Variants in PATL1 observed in about 807,000 individuals in gnomAD.
PATL1 encodes the protein PAT1 homolog 1, processing body mRNA decay factor.
A neutral mutation model predicts 100.6 loss-of-function variants in PATL1; 32 were observed. The observed-to-expected ratio is 0.32, with a 90% CI of 0.24 to 0.43. PATL1 has a LOEUF of 0.43. PATL1 is among the 20% of genes least tolerant of loss of function. PATL1 has a pLI of 1.00. For synonymous variants in PATL1, 332 were observed against 330.0 expected (o/e 1.01, Z -0.07); for missense variants, 747 against 949.9 (o/e 0.79, Z 2.81).
At position 59,642,950 on chromosome 11, in the gene PATL1, A is replaced by G. The variant is rs1166018456; in HGVS notation, c.1979T>C (p.Met660Thr). ...VSITSLLRQL[M>T]NLPQSAATPA... The stretch of plus-strand genomic sequence containing the variant: ...TGTAGCTGCACTTTGAGGTAGGTTC[A>G]TTAGCTGTCGCAAAAGGCTGGTGAT... The change falls in exon 16 of 19, where the codon ATG becomes ACG. Residue 660 changes from methionine to threonine, a missense_variant. By Grantham distance (81) the Met-to-Thr change is moderately conservative. Transcript: ENST00000300146. The G allele has an allele frequency of 2.5e-6, 4 of 1,613,910 alleles. No individual in the cohort carries two copies. Among genetic ancestry groups the G allele is most frequent in the Non-Finnish European group, 3.4e-6 (4 of 1,179,878 alleles).
intron 5 of PATL1, chr11:59,657,216 T>TC (rs1861548870): frequency 2.4e-6 from 2 of 825,136 alleles, no homozygotes; most frequent in Non-Finnish European, 2.9e-6. Context: ...GTGTTCCCAC[T>TC]CCCCCCGGCT....
In PATL1 at chr11:59,652,231, T is replaced by TAAA. The variant is rs541061457; in HGVS notation, c.1426+230_1426+232dup. Among the ~76,000 whole-genome samples, 335 of 152,174 alleles carry TAAA rather than the reference T, an allele frequency of 2.2e-3. 1 individual carries two copies. The highest frequency in any genetic ancestry group is 7.7e-3 in the African/African-American group (319 of 41,492). On this transcript the variant is annotated intron_variant, in intron 11 of 18. Transcript: ENST00000300146. ...GGGGTACTGAAAATTATAACACATTTAAAAAATCATGAAATCTCAAGTAGA... is the reference window on the plus strand; with the variant it reads ...GGGGTACTGAAAATTATAACACATTTAAAAAAAAATCATGAAATCTCAAGTAGA...
rs1485058308 is a variant in PATL1, at chr11:59,657,626, C to T, written c.525G>A (p.Arg175=). Residue 175 remains arginine (R), a synonymous_variant, in exon 5 of 19, where the codon AGG becomes AGA. Coordinates refer to ENST00000300146, the MANE Select transcript of PATL1 (RefSeq NM_152716.3). Reference sequence around the variant, plus strand: ...TGCCAATGATAGGTGAAGTTGACCGCCTTGGTAATGCTCGTTCAGAAAGGT... The same window carrying T: ...TGCCAATGATAGGTGAAGTTGACCGTCTTGGTAATGCTCGTTCAGAAAGGT... ...DRDLSERALP[R]RSTSPIIGSP... is the part of the protein sequence containing the mutation. 2 of 1,613,284 alleles carry T rather than the reference C, an allele frequency of 1.2e-6. No homozygotes were observed. Among genetic ancestry groups the T allele is most frequent in the South Asian group, 2.2e-5 (2 of 91,048 alleles).
chr11:59,644,822 G>A (rs1861336866), intron 15 of PATL1, among the ~76,000 whole-genome samples: 1 of 149,812 alleles, frequency 6.7e-6, no homozygotes, highest in Admixed American at 6.7e-5. Flanking sequence ...TTAGGAAGCA[G>A]AGATGGGAAA....
In PATL1 at chr11:59,659,407, C is replaced by T; in HGVS notation, c.190G>A (p.Val64Ile). Reference sequence around the variant, plus strand: ...TCTCCATTGCCTGTTTGTTCATTAACTGCCACTGGTAGCTTTTCTTCCAAT... The same window carrying T: ...TCTCCATTGCCTGTTTGTTCATTAATTGCCACTGGTAGCTTTTCTTCCAAT... ...AELEEKLPVA[V>I]NEQTGNGERD... The change falls in exon 3 of 19, where the codon GTT (valine) becomes ATT (isoleucine). Residue 64 changes from valine to isoleucine, a missense_variant. By Grantham distance (29) the Val-to-Ile change is conservative. This residue lies in a region of PATL1 where 183 missense variants were observed against 221.2 expected (regional missense o/e 0.83). Coordinates refer to ENST00000300146, the MANE Select transcript of PATL1 (RefSeq NM_152716.3). 1 of 1,551,422 alleles carries T rather than the reference C, an allele frequency of 6.4e-7. No individual in the cohort carries two copies. Among genetic ancestry groups the T allele is most frequent in the Non-Finnish European group, 8.7e-7 (1 of 1,146,914 alleles).
rs1861554578 is a variant in PATL1 at position 59,657,629 on chromosome 11, T to C, written c.522A>G (p.Pro174=). 1.2e-6 allele frequency: 2 copies of C among 1,613,364 alleles called. No homozygotes were observed. Among genetic ancestry groups the C allele is most frequent in the Middle Eastern group, 1.8e-4 (1 of 5,662 alleles). Reference sequence around the variant, plus strand: ...CAATGATAGGTGAAGTTGACCGCCTTGGTAATGCTCGTTCAGAAAGGTCCC... The same window carrying C: ...CAATGATAGGTGAAGTTGACCGCCTCGGTAATGCTCGTTCAGAAAGGTCCC... ...DDRDLSERAL[P]RRSTSPIIGS... Residue 174 remains proline, a synonymous_variant, in exon 5 of 19, where the codon CCA becomes CCG. Transcript: ENST00000300146.
intron 2 of PATL1, among the ~76,000 whole-genome samples, chr11:59,660,404 T>C (rs988357980): frequency 3.3e-5 from 5 of 152,086 alleles, no homozygotes; most frequent in Admixed American, 1.3e-4. Flanking sequence ...GAAGATGAAA[T>C]TGCTGTAGGA....
At chr11:59,658,319 G>T (rs1331115406) in intron 4 of PATL1, among the ~76,000 whole-genome samples, 5 of 151,442 alleles carry the variant, frequency 3.3e-5, no homozygotes, top group Non-Finnish European at 4.4e-5. Flanking sequence ...GCATAGAAAT[G>T]AGTTTTTTTT....
intron 2 of PATL1, among the ~76,000 whole-genome samples, chr11:59,665,407 C>T (rs73486962): frequency 0.17 from 26,002 of 152,222 alleles, 4,073 homozygotes; most frequent in African/African-American, 0.41. Context: ...GAATCACACA[C>T]ATTTATACAT....
At position 59,636,952 on chromosome 11, in the gene PATL1, G is replaced by C. The variant is rs1861200643; in HGVS notation, c.*1438C>G. ...TAGGTAACATCACTGGGGAACAGCT[G>C]GTGGAGCCTGGGGTTACAGCATGGG... On this transcript the variant is annotated 3_prime_UTR_variant, in exon 19 of 19. Transcript: ENST00000300146. 1 of 152,720 alleles carries C rather than the reference G, an allele frequency of 6.5e-6. No individual in the cohort carries two copies. Among genetic ancestry groups the C allele is most frequent in the Non-Finnish European group, 1.5e-5 (1 of 68,158 alleles). 9.5% of individuals were successfully genotyped at this position (152,720 alleles called of 1,614,324 possible).
intron 14 of PATL1, 35 bp from the exon 15 acceptor site, chr11:59,647,948 A>G (rs375020249): frequency 5.6e-5 from 87 of 1,556,796 alleles, no homozygotes; most frequent in Non-Finnish European, 7.1e-5. Flanking sequence ...TAGGTCAGCA[A>G]GAACAATTAA....
chr11:59,666,760 G>A (rs1287977102), intron 2 of PATL1, 93 bp downstream of exon 2: 3 of 1,312,108 alleles, frequency 2.3e-6, no homozygotes, highest in African/African-American at 1.5e-5. Context: ...TAGTGAATAA[G>A]GTTACCCCTA....
Position 59,643,098 on chromosome 11 carries a change from G to A in PATL1, c.1894-63C>T, listed in dbSNP as rs1029575592. 8 of 1,530,730 alleles carry A rather than the reference G, an allele frequency of 5.2e-6. No individual in the cohort carries two copies. The African/African-American group carries it at 9.6e-5, about 18-fold the overall frequency. The allele number at this position is 1,530,730 out of a possible 1,614,324, so 94.8% of individuals were successfully genotyped here. On this transcript the variant is annotated intron_variant, in intron 15 of 18. Transcript: ENST00000300146. Reference sequence around the variant, plus strand: ...TGTTACTTCAGTTACCCCCCACCAGGGGCATGGATGGAAGGATGTTCATTT... The same window carrying A: ...TGTTACTTCAGTTACCCCCCACCAGAGGCATGGATGGAAGGATGTTCATTT...
chr11:59,650,703 T>C, intron 13 of PATL1, 51 bp downstream of exon 13: 1 of 1,320,852 alleles, frequency 7.6e-7, no homozygotes, highest in South Asian at 1.3e-5. Flanking sequence ...TATACATACA[T>C]TTGACAGTTC....
intron 4 of PATL1, among the ~76,000 whole-genome samples, chr11:59,658,372 C>G (rs1358396805): frequency 6.6e-6 from 1 of 151,334 alleles, no homozygotes; most frequent in African/African-American, 2.4e-5. Flanking sequence ...GGCTGGAGTG[C>G]AGTGGCGCAA....
chr11:59,642,108 T>C (rs758228469), intron 16 of PATL1, among the ~76,000 whole-genome samples: 1 of 152,226 alleles, frequency 6.6e-6, no homozygotes, highest in African/African-American at 2.4e-5. Context: ...CTCCATCTTA[T>C]AGACCAGGAA....
chr11:59,642,004 G>A (rs1861289039), intron 16 of PATL1, among the ~76,000 whole-genome samples: 1 of 152,104 alleles, frequency 6.6e-6, no homozygotes, highest in Admixed American at 6.5e-5. Context: ...GGCCCTTAAT[G>A]AGTAACTACT....
At chr11:59,650,347 A>G (rs1376889370) in intron 13 of PATL1, among the ~76,000 whole-genome samples, 3 of 152,190 alleles carry the variant, frequency 2.0e-5, no homozygotes, top group Non-Finnish European at 4.4e-5. Context: ...ACATTTTACA[A>G]ATCAACTATT....
At chr11:59,649,723 C>A in intron 13 of PATL1, 113 bp from the exon 14 acceptor site, 6 of 1,125,292 alleles carry the variant, frequency 5.3e-6, no homozygotes, top group South Asian at 2.0e-5. Context: ...TATAGAAAGA[C>A]TGAGATTTTT....
Sources: gnomAD v4.1 joint callset for allele counts (sites outside exome capture counted in the v4.1 genomes callset) on GRCh38, gnomAD v4.1.1 for gene constraint, gnomAD v4.1.1 regional missense constraint, MANE v1.5 for transcripts, NCBI Gene and HGNC (gene_info 2026-07-23, HGNC 2026-07-21) for gene names.